PKHD1: variants seen among roughly 807,000 people sequenced by gnomAD.
PKHD1 encodes PKHD1 ciliary IPT domain containing fibrocystin/polyductin, also known as fibrocystin.
Under a neutral mutation model 412.0 loss-of-function variants are expected in PKHD1, and 291 were observed. The observed-to-expected ratio is 0.71, with a 90% CI of 0.64 to 0.78. The LOEUF (loss-of-function observed/expected upper bound fraction) is 0.78. Among genes scored for constraint, PKHD1 ranks in the 30% least tolerant of loss-of-function variants. PKHD1 has a pLI of 0.00. For synonymous variants in PKHD1, 1,777 were observed against 1,821.5 expected, an observed-to-expected ratio of 0.98 and a Z score of 0.62; for missense variants, 4,825 against 4,950.7, an observed-to-expected ratio of 0.97 and a Z score of 0.76.
intron 35 of PKHD1, among the ~76,000 whole-genome samples, chr6:51,995,082 C>A (rs556371048): frequency 6.6e-6 from 1 of 152,270 alleles, no homozygotes; most frequent in Non-Finnish European, 1.5e-5. Context: ...TCAGAATACT[C>A]ATCCTTCATC....
chr6:51,643,154 G>C (rs1042066750), intron 63 of PKHD1, among the ~76,000 whole-genome samples: 3 of 148,620 alleles, frequency 2.0e-5, no homozygotes, highest in African/African-American at 4.9e-5. Flanking sequence ...AACACCAACA[G>C]TAGCAAAATG....
intron 52 of PKHD1, among the ~76,000 whole-genome samples, chr6:51,829,979 C>A (rs1767970074): frequency 6.6e-6 from 1 of 152,108 alleles, no homozygotes; most frequent in Non-Finnish European, 1.5e-5. Context: ...TTACTTATTT[C>A]ATAAGGTTAT....
At chr6:51,873,875 G>A (rs1293057348) in intron 46 of PKHD1, among the ~76,000 whole-genome samples, 3 of 152,074 alleles carry the variant, frequency 2.0e-5, no homozygotes, top group African/African-American at 7.2e-5. Flanking sequence ...GAAAAAAACA[G>A]AAACCAAAAA....
In PKHD1 at chr6:52,065,184, G is replaced by GAGAGAGAC. The variant is rs55683484; in HGVS notation, c.881-135_881-134insGTCTCTCT. On this transcript the variant is annotated intron_variant, in intron 12 of 66. Transcript: ENST00000371117. ...ATATATATATAGAGAGAGAGAGAGA[G>GAGAGAGAC]AGAGAGAGAGAGACAGAGAGAGAGA... The GAGAGAGAC allele has an allele frequency of 0.023, 2,710 of 117,842 alleles. 48 individuals carry two copies. Among genetic ancestry groups the GAGAGAGAC allele is most frequent in the East Asian group, 0.095 (316 of 3,336 alleles). 7.3% of individuals were successfully genotyped at this position (117,842 alleles called of 1,614,324 possible).
chr6:51,943,916 T>C (rs1372143169), intron 36 of PKHD1, among the ~76,000 whole-genome samples: 1 of 151,284 alleles, frequency 6.6e-6, no homozygotes, highest in Non-Finnish European at 1.5e-5. Flanking sequence ...CCCCCAAAAA[T>C]TTTCACCATC....
intron 33 of PKHD1, among the ~76,000 whole-genome samples, chr6:52,018,083 A>G (rs2128131277): frequency 6.6e-6 from 1 of 152,304 alleles, no homozygotes; most frequent in South Asian, 2.1e-4. Flanking sequence ...TTCATTCCAT[A>G]TTATATTTTC....
chr6:51,882,773 G>C (rs993610622), intron 46 of PKHD1, among the ~76,000 whole-genome samples: 1 of 152,048 alleles, frequency 6.6e-6, no homozygotes, highest in African/African-American at 2.4e-5. Context: ...ACAAAATAAC[G>C]AACTAGGCAA....
At chr6:51,986,612 T>C (rs1175708172) in intron 35 of PKHD1, among the ~76,000 whole-genome samples, 2 of 152,212 alleles carry the variant, frequency 1.3e-5, no homozygotes, top group Non-Finnish European at 2.9e-5. Context: ...AACAAAATAT[T>C]TGATACTACC....
At chr6:51,990,911 GT>G (rs1186893902) in intron 35 of PKHD1, among the ~76,000 whole-genome samples, 2 of 152,098 alleles carry the variant, frequency 1.3e-5, no homozygotes, top group Non-Finnish European at 2.9e-5. Context: ...TGAAGCATCC[GT>G]TTCCTTATCT....
rs947299534 is a variant in PKHD1, at chr6:52,033,011, G to A, written c.3364+19C>T. 1.3e-6 allele frequency: 2 copies of A among 1,599,554 alleles called. No individual in the cohort carries two copies. The highest frequency in any genetic ancestry group is 1.1e-5 in the South Asian group (1 of 90,798). On this transcript the variant is annotated intron_variant, in intron 29 of 66. Transcript: ENST00000371117. Reference sequence around the variant, plus strand: ...AATGCTCTAAGAAGAAAAAGATCTTGCAGTATCACATATTTTACCTGCTAT... The same window carrying A: ...AATGCTCTAAGAAGAAAAAGATCTTACAGTATCACATATTTTACCTGCTAT...
intron 60 of PKHD1, among the ~76,000 whole-genome samples, chr6:51,672,071 T>C (rs1309450978): frequency 5.3e-5 from 8 of 152,222 alleles, no homozygotes; most frequent in African/African-American, 9.6e-5. Context: ...GTAGCTTTTA[T>C]TGGACTGTTA....
At chr6:51,995,481 TA>T (rs1419013039) in intron 35 of PKHD1, among the ~76,000 whole-genome samples, 1 of 152,236 alleles carries the variant, frequency 6.6e-6, no homozygotes, top group Non-Finnish European at 1.5e-5. Context: ...CACTTAAACG[TA>T]AACCATGTTT....
chr6:51,732,715 G>T (rs748321240), intron 60 of PKHD1, among the ~76,000 whole-genome samples: 4 of 152,152 alleles, frequency 2.6e-5, no homozygotes, highest in Non-Finnish European at 2.9e-5. Flanking sequence ...GTTATTGTGG[G>T]AAACAACATT....
chr6:52,024,254 A>G (rs963462102), intron 32 of PKHD1, among the ~76,000 whole-genome samples: 3 of 152,218 alleles, frequency 2.0e-5, no homozygotes, highest in Non-Finnish European at 4.4e-5. Flanking sequence ...GAAGGCATTT[A>G]CGTTCTTAAA....
intron 43 of PKHD1, among the ~76,000 whole-genome samples, chr6:51,893,947 A>C (rs1779494135): frequency 1.3e-5 from 2 of 152,174 alleles, no homozygotes; most frequent in African/African-American, 2.4e-5. Context: ...GGACTATCCT[A>C]AACAGGGGTC....
intron 37 of PKHD1, among the ~76,000 whole-genome samples, chr6:51,927,556 A>G (rs2127741141): frequency 6.6e-6 from 1 of 152,282 alleles, no homozygotes; most frequent in East Asian, 1.9e-4. Flanking sequence ...CCCTTCCTAT[A>G]GAGCGAGGTG....
intron 49 of PKHD1, 24 bp from the exon 50 acceptor site, chr6:51,847,994 T>C (rs754950098): frequency 4.6e-6 from 7 of 1,534,346 alleles, no homozygotes; most frequent in South Asian, 1.1e-5. Flanking sequence ...AAAAACACAA[T>C]AGTGCTCATT....
chr6:51,665,111 T>C (rs1773518348), intron 60 of PKHD1, among the ~76,000 whole-genome samples: 1 of 152,074 alleles, frequency 6.6e-6, no homozygotes, highest in African/African-American at 2.4e-5. Context: ...AGATATCTTT[T>C]CTCCAGAATA....
chr6:51,616,810 A>G lies in PKHD1; in HGVS notation c.*2271T>C. 2.5e-6 allele frequency: 1 copy of G among 396,840 alleles called. No homozygotes were observed. 24.6% of individuals were successfully genotyped at this position (396,840 alleles called of 1,614,324 possible). A position where few individuals can be genotyped will look rare whatever the true frequency, so the allele number is the denominator to read the frequency against. The stretch of plus-strand genomic sequence containing the variant: ...ACACATAGAGGATAAATAAGAAGAT[A>G]ATAAAAATTGGAAGAAGGGTAAAGA... On this transcript the variant is annotated 3_prime_UTR_variant, in exon 67 of 67. Transcript: ENST00000371117.
Sources: allele counts gnomAD v4.1 joint callset (sites outside exome capture counted in the v4.1 genomes callset), GRCh38; gene constraint gnomAD v4.1.1; transcripts MANE v1.5; gene names NCBI Gene and HGNC (gene_info 2026-07-23, HGNC 2026-07-21).